PEDS1: variants seen among roughly 807,000 people sequenced by gnomAD.
PEDS1 encodes the protein CarF homolog.
PEDS1 carries 14 observed loss-of-function variants against 35.2 expected under a neutral mutation model. The observed-to-expected ratio is 0.40, with a 90% CI of 0.26 to 0.62. PEDS1 has a LOEUF of 0.62. Among genes scored for constraint, PEDS1 ranks in the 20% least tolerant of loss-of-function variants. PEDS1 has a pLI of 0.44. For missense variants in PEDS1, 260 were observed against 367.8 expected (o/e 0.71, Z 2.40); for synonymous variants, 152 against 152.0 (o/e 1.00, Z 0.00).
intron 5 of PEDS1, among the ~76,000 whole-genome samples, chr20:50,125,846 C>T (rs981429856): frequency 3.3e-5 from 5 of 152,174 alleles, no homozygotes; most frequent in African/African-American, 1.2e-4. Context: ...CCGCCTCGGC[C>T]TCCCAAACTG....
chr20:50,145,892 A>G (rs947703417), intron 1 of PEDS1, among the ~76,000 whole-genome samples: 64 of 152,198 alleles, frequency 4.2e-4, no homozygotes, highest in African/African-American at 1.5e-3. Context: ...AGATGAGAAA[A>G]CTGACCATCA....
intron 2 of PEDS1, among the ~76,000 whole-genome samples, chr20:50,143,109 G>A (rs1157969050): frequency 6.6e-6 from 1 of 152,088 alleles, no homozygotes; most frequent in Non-Finnish European, 1.5e-5. Context: ...GACGGTGCAG[G>A]GCAAAGGTGA....
chr20:50,139,721 C>T (rs1323839637), intron 2 of PEDS1, among the ~76,000 whole-genome samples: 1 of 151,366 alleles, frequency 6.6e-6, no homozygotes, highest in Non-Finnish European at 1.5e-5. Context: ...ACTCTGTCGC[C>T]CAGGCTAGAG....
intron 2 of PEDS1, among the ~76,000 whole-genome samples, chr20:50,139,510 G>A (rs1042636330): frequency 2.1e-5 from 3 of 142,872 alleles, no homozygotes; most frequent in Non-Finnish European, 4.6e-5. Context: ...GTTCTCCCCC[G>A]ACCTCCCTGG....
intron 2 of PEDS1, among the ~76,000 whole-genome samples, chr20:50,131,453 C>T (rs1194583458): frequency 6.6e-6 from 1 of 151,966 alleles, no homozygotes; most frequent in Non-Finnish European, 1.5e-5. Flanking sequence ...GAAACCCCGT[C>T]TCTACTAAAA....
chr20:50,143,906 C>G (rs1239447875), intron 1 of PEDS1, among the ~76,000 whole-genome samples: 1 of 152,144 alleles, frequency 6.6e-6, no homozygotes, highest in Non-Finnish European at 1.5e-5. Context: ...ACCATATTGG[C>G]CAGGCTGGTC....
At chr20:50,131,485 G>A (rs1411000692) in intron 2 of PEDS1, among the ~76,000 whole-genome samples, 2 of 152,038 alleles carry the variant, frequency 1.3e-5, no homozygotes, top group African/African-American at 2.4e-5. Flanking sequence ...AGCCAGGTGT[G>A]GTGGCATGCG....
intron 2 of PEDS1, among the ~76,000 whole-genome samples, chr20:50,138,524 G>T (rs992627218): frequency 6.6e-6 from 1 of 152,256 alleles, no homozygotes; most frequent in African/African-American, 2.4e-5. Flanking sequence ...TCTCTGCTGA[G>T]CCTCAGTCTT....
At chr20:50,133,302 G>T (rs924999608) in intron 2 of PEDS1, among the ~76,000 whole-genome samples, 1 of 152,138 alleles carries the variant, frequency 6.6e-6, no homozygotes, top group Admixed American at 6.5e-5. Context: ...GGGTGGTGGG[G>T]GTGGGGGCAG....
Position 50,128,080 on chromosome 20 carries a change from G to T in PEDS1, c.586C>A (p.Pro196Thr). ...HKWSHTYFGL[P>T]RWVTLLQDWH... ...TCCTGCAGGAGGGTGACCCAGCGTGGCAGCCCAAAGTACGTGTGCGACCAC... is the reference window on the plus strand; with the variant it reads ...TCCTGCAGGAGGGTGACCCAGCGTGTCAGCCCAAAGTACGTGTGCGACCAC... Residue 196 changes from proline (P) to threonine (T), a missense_variant, in exon 5 of 6, where the codon CCA becomes ACA. This residue lies in a region of PEDS1 where 83 missense variants were observed against 142.8 expected (regional missense o/e 0.58). Transcript: ENST00000371652. The surrounding 1 kb of genome is among the most constrained non-coding windows in gnomAD (Gnocchi z 5.2). 1 of 1,614,214 alleles carries T rather than the reference G, an allele frequency of 6.2e-7. No homozygotes were observed. The highest frequency in any genetic ancestry group is 2.2e-5 in the East Asian group (1 of 44,888).
rs968228390 is a variant in PEDS1, at chr20:50,120,054, C to T, written c.*5004G>A. 1 of 151,844 alleles carries T rather than the reference C, an allele frequency of 6.6e-6. No individual in the cohort carries two copies. The highest frequency in any genetic ancestry group is 1.5e-5 in the Non-Finnish European group (1 of 68,250). 9.4% of individuals were successfully genotyped at this position (151,844 alleles called of 1,614,324 possible). On this transcript the variant is annotated 3_prime_UTR_variant, in exon 6 of 6. Coordinates refer to ENST00000371652, the MANE Select transcript of PEDS1 (RefSeq NM_199129.4). The stretch of plus-strand genomic sequence containing the variant: ...GTTGAGGTGGGAGGATCACTTGAGG[C>T]CAGGAGTTTGAGACTACCCTGGGCA...
intron 3 of PEDS1, among the ~76,000 whole-genome samples, chr20:50,130,138 G>A (rs6020282): frequency 6.6e-6 from 1 of 152,186 alleles, no homozygotes; most frequent in Non-Finnish European, 1.5e-5. Flanking sequence ...CACGTGACCA[G>A]GCCTGGCCAA....
chr20:50,127,848 C>A, intron 5 of PEDS1, 127 bp downstream of exon 5: 2 of 1,322,840 alleles, frequency 1.5e-6, no homozygotes, highest in Non-Finnish European at 1.0e-6. Flanking sequence ...AAATGCATGA[C>A]CTGAGAGACT....
chr20:50,124,947 G>A lies in PEDS1; in HGVS notation c.*111C>T. ...GGCTGGGGTACCTGGGCCCAGCCCA[G>A]GAGATGTCCTCTCCATCTGGAGGGG... On this transcript the variant is annotated 3_prime_UTR_variant, in exon 6 of 6. Transcript: ENST00000371652. 1 of 1,491,892 alleles carries A rather than the reference G, an allele frequency of 6.7e-7. No individual in the cohort carries two copies. The highest frequency in any genetic ancestry group is 9.2e-7 in the Non-Finnish European group (1 of 1,091,880). The allele number at this position is 1,491,892 out of a possible 1,614,324, so 92.4% of individuals were successfully genotyped here.
At position 50,152,204 on chromosome 20, in the gene PEDS1, T is replaced by G. The variant is rs1437649235; in HGVS notation, c.121+1313A>C. ...GAAAAATCACATACAGAGAATGGAG[T>G]GGTCTAGGACCCAGTGAGGAAATGC... is the stretch of plus-strand genomic sequence containing the variant. On this transcript the variant is annotated intron_variant, in intron 1 of 5. Transcript: ENST00000371652. 6.6e-5 allele frequency among the ~76,000 whole-genome samples: 10 copies of G among 151,864 alleles called. No homozygotes were observed. The East Asian group carries it at 1.7e-3, about 26-fold the overall frequency.
chr20:50,127,534 T>TGGGG (rs1242028579), intron 5 of PEDS1, among the ~76,000 whole-genome samples: 2 of 152,008 alleles, frequency 1.3e-5, no homozygotes, highest in African/African-American at 4.8e-5. Context: ...TTAGTAGAGA[T>TGGGG]GGGGTTTCAC....
At chr20:50,126,460 T>C (rs73278532) in intron 5 of PEDS1, among the ~76,000 whole-genome samples, 2,078 of 152,300 alleles carry the variant, frequency 0.014, 44 homozygotes, top group African/African-American at 0.048. Flanking sequence ...GAATGTTTTT[T>C]TGTGGTTCTC....
rs527951284 is a variant in PEDS1, at chr20:50,153,503, C to G, written c.121+14G>C. 2.9e-6 allele frequency: 4 copies of G among 1,369,064 alleles called. No individual in the cohort carries two copies. The South Asian group carries it at 6.3e-5, about 22-fold the overall frequency. 84.8% of individuals were successfully genotyped at this position (1,369,064 alleles called of 1,614,324 possible). On this transcript the variant is annotated intron_variant, in intron 1 of 5. Coordinates refer to ENST00000371652, the MANE Select transcript of PEDS1 (RefSeq NM_199129.4). ...TGGTGACCGCAGGCCTGGAGGGGGG[C>G]CCAGAGGTCTTACCTGGCGAGTAGA...
chr20:50,133,649 C>T (rs902446937), intron 2 of PEDS1, among the ~76,000 whole-genome samples: 2 of 152,230 alleles, frequency 1.3e-5, no homozygotes, highest in Non-Finnish European at 2.9e-5. Context: ...ACCCCACCCC[C>T]ACTCCAGATC....
Sources: allele counts gnomAD v4.1 joint callset (sites outside exome capture counted in the v4.1 genomes callset), GRCh38; gene constraint gnomAD v4.1.1; regional missense constraint gnomAD v4.1.1; non-coding constraint Gnocchi (gnomAD v3.1); transcripts MANE v1.5; gene names NCBI Gene and HGNC (gene_info 2026-07-23, HGNC 2026-07-21).